The following NEK10 variants were observed in gnomAD, a reference collection of about 807,000 sequenced individuals.
NEK10 encodes the protein NIMA related kinase 10, also known as serine/threonine-protein kinase Nek10.
Under a neutral mutation model 159.8 loss-of-function variants are expected in NEK10, and 122 were observed. The observed-to-expected ratio is 0.76, with a 90% CI of 0.66 to 0.89. NEK10 has a LOEUF of 0.89. NEK10 is among the 40% of genes least tolerant of loss of function. The pLI, the probability that NEK10 is intolerant of heterozygous loss-of-function variation, is 0.00. For missense variants in NEK10, 1,342 were observed against 1,323.1 expected (o/e 1.01, Z -0.22); for synonymous variants, 466 against 457.1 (o/e 1.02, Z -0.25).
At chr3:27,356,344 T>A (rs899836695) in intron 1 of NEK10, among the ~76,000 whole-genome samples, 1 of 152,070 alleles carries the variant, frequency 6.6e-6, no homozygotes, top group African/African-American at 2.4e-5. Flanking sequence ...AGACTCCATC[T>A]CTACAAAAAA....
chr3:27,277,757 A>G (rs2041875024), intron 22 of NEK10, among the ~76,000 whole-genome samples: 1 of 152,180 alleles, frequency 6.6e-6, no homozygotes, highest in Admixed American at 6.5e-5. Context: ...ATTCTCTCGG[A>G]GGAGGAATGC....
At position 27,310,942 on chromosome 3, in the gene NEK10, C is replaced by T. The variant is rs148363711; in HGVS notation, c.636+7G>A. The T allele has an allele frequency of 8.6e-3, 13,562 of 1,585,244 alleles. 77 individuals carry two copies. The highest frequency in any genetic ancestry group is 0.011 in the South Asian group (979 of 90,278). ...CTGAAGCATTAACTCTTTCAGGGGC[C>T]ACTCACCTTGTGGGCTCCACTTGTG... On this transcript the variant is annotated splice_region_variant and intron_variant, in intron 9 of 35. Transcript: ENST00000691995.
intron 3 of NEK10, among the ~76,000 whole-genome samples, chr3:27,350,693 A>G (rs1299878791): frequency 6.6e-6 from 1 of 152,158 alleles, no homozygotes; most frequent in Non-Finnish European, 1.5e-5. Flanking sequence ...TGCAAATTTG[A>G]AAATTGGTTA....
chr3:27,348,307 T>C (rs1358340043), intron 3 of NEK10, among the ~76,000 whole-genome samples: 1 of 152,122 alleles, frequency 6.6e-6, no homozygotes, highest in African/African-American at 2.4e-5. Context: ...GCCCAGGTGA[T>C]TCCAAGAGAG....
rs781050720 is a variant in NEK10 at position 27,310,940 on chromosome 3, G to C, written c.636+9C>G. On this transcript the variant is annotated intron_variant, in intron 9 of 35. Coordinates refer to ENST00000691995, the MANE Select transcript of NEK10 (RefSeq NM_001394966.1). The stretch of plus-strand genomic sequence containing the variant: ...AGCTGAAGCATTAACTCTTTCAGGG[G>C]CCACTCACCTTGTGGGCTCCACTTG... 9 of 1,577,876 alleles carry C rather than the reference G, an allele frequency of 5.7e-6. No homozygotes were observed. In the South Asian group the frequency reaches 1.0e-4, roughly 18 times the overall value.
chr3:27,249,527 A>G (rs1170780918), intron 23 of NEK10, among the ~76,000 whole-genome samples: 2 of 152,106 alleles, frequency 1.3e-5, no homozygotes, highest in African/African-American at 2.4e-5. Context: ...TTTTTCTGAT[A>G]TAAGTATAGC....
intron 35 of NEK10, among the ~76,000 whole-genome samples, chr3:27,114,343 G>A (rs1410460232): frequency 6.6e-6 from 1 of 152,126 alleles, no homozygotes; most frequent in Admixed American, 6.5e-5. Flanking sequence ...AGGGATGGTG[G>A]GAGGAGAGTA....
At chr3:27,316,729 A>C (rs1367262523) in intron 6 of NEK10, among the ~76,000 whole-genome samples, 1 of 152,160 alleles carries the variant, frequency 6.6e-6, no homozygotes, top group Admixed American at 6.5e-5. Context: ...CATGTCCTGG[A>C]AACAGTCATT....
At chr3:27,299,129 G>A (rs1442648108) in intron 13 of NEK10, among the ~76,000 whole-genome samples, 1 of 152,148 alleles carries the variant, frequency 6.6e-6, no homozygotes, top group Non-Finnish European at 1.5e-5. Context: ...GACCTTTGTG[G>A]CAGTCCCTCC....
chr3:27,328,686 G>C (rs2046188278), intron 5 of NEK10, among the ~76,000 whole-genome samples: 2 of 152,164 alleles, frequency 1.3e-5, no homozygotes, highest in Non-Finnish European at 2.9e-5. Context: ...GCTCTGGGGA[G>C]AGGATTGACA....
At chr3:27,301,593 A>T in intron 13 of NEK10, 103 bp downstream of exon 13, 1 of 871,244 alleles carries the variant, frequency 1.1e-6, no homozygotes, top group Non-Finnish European at 1.8e-6. Context: ...ATTTTTGTAA[A>T]CTTCTAAATT....
intron 1 of NEK10, among the ~76,000 whole-genome samples, chr3:27,365,610 G>GTTTTTTTT (rs71091129): frequency 6.0e-4 from 59 of 99,110 alleles, no homozygotes; most frequent in East Asian, 2.3e-3. Context: ...TTTTTTTTGT[G>GTTTTTTTT]TTTTTTTTTT....
At chr3:27,290,206 T>G (rs1001332111) in intron 19 of NEK10, among the ~76,000 whole-genome samples, 2 of 152,234 alleles carry the variant, frequency 1.3e-5, no homozygotes, top group Non-Finnish European at 2.9e-5. Context: ...ATTTTAGATC[T>G]AATAAAGTCA....
intron 32 of NEK10, among the ~76,000 whole-genome samples, chr3:27,120,121 T>G (rs1360209151): frequency 6.6e-6 from 1 of 152,110 alleles, no homozygotes; most frequent in Non-Finnish European, 1.5e-5. Flanking sequence ...TTTATGGCCT[T>G]ATGAGAGCAA....
intron 6 of NEK10, 122 bp from the exon 7 acceptor site, chr3:27,314,460 TAATATA>T: frequency 1.5e-6 from 1 of 660,898 alleles, no homozygotes; most frequent in Middle Eastern, 2.6e-4. Flanking sequence ...GTCTACATTC[TAATATA>T]AATACGGAAA....
chr3:27,325,348 C>T (rs936234132), intron 5 of NEK10, among the ~76,000 whole-genome samples: 2 of 152,194 alleles, frequency 1.3e-5, no homozygotes, highest in Admixed American at 1.3e-4. Flanking sequence ...CATCTCCCAC[C>T]TCCACAGCTG....
chr3:27,224,820 C>T (rs1176615954), intron 23 of NEK10, among the ~76,000 whole-genome samples: 1 of 152,120 alleles, frequency 6.6e-6, no homozygotes, highest in Non-Finnish European at 1.5e-5. Flanking sequence ...AATGATGGCT[C>T]TTCTCATAGG....
chr3:27,124,112 G>T (rs1331117108), intron 32 of NEK10, among the ~76,000 whole-genome samples: 1 of 152,100 alleles, frequency 6.6e-6, no homozygotes, highest in Non-Finnish European at 1.5e-5. Flanking sequence ...GAACATCAGG[G>T]TGAATGCAGA....
chr3:27,336,451 T>C (rs1332491109), intron 5 of NEK10, among the ~76,000 whole-genome samples: 4 of 152,166 alleles, frequency 2.6e-5, no homozygotes, highest in African/African-American at 9.7e-5. Flanking sequence ...CCTGAAACTA[T>C]TCCAGAAAAT....
Sources: gnomAD v4.1 joint callset for allele counts (sites outside exome capture counted in the v4.1 genomes callset) on GRCh38, gnomAD v4.1.1 for gene constraint, MANE v1.5 for transcripts, NCBI Gene and HGNC (gene_info 2026-07-23, HGNC 2026-07-21) for gene names.